FRMD6: variants seen among roughly 807,000 people sequenced by gnomAD.
FRMD6 encodes the protein FERM domain containing 6.
A neutral mutation model predicts 73.2 loss-of-function variants in FRMD6; 37 were observed. The ratio of observed to expected loss-of-function variants is 0.51; its 90% CI spans 0.39 to 0.66. The LOEUF is 0.66. FRMD6 is among the 30% of genes least tolerant of loss of function. FRMD6 has a pLI of 0.00. For synonymous variants in FRMD6, 273 were observed against 282.2 expected (o/e 0.97, Z 0.33); for missense variants, 714 against 780.5 (o/e 0.91, Z 1.02).
chr14:51,428,477 A>G, the FRMD6 span, among the ~76,000 whole-genome samples: 4 of 152,312 alleles, frequency 2.6e-5, no homozygotes, highest in Admixed American at 2.6e-4. Flanking sequence ...TCCAGGTTAC[A>G]AGTCTTCAGA....
intron 1 of FRMD6, among the ~76,000 whole-genome samples, chr14:51,545,452 C>T (rs1183667691): frequency 1.3e-5 from 2 of 152,012 alleles, no homozygotes; most frequent in Admixed American, 1.3e-4. Flanking sequence ...TCTATTTTAC[C>T]TGATCCAAAG....
At chr14:51,648,824 T>C (rs1892196077), upstream of FRMD6, among the ~76,000 whole-genome samples, 1 of 152,236 alleles carries the variant, frequency 6.6e-6, no homozygotes, top group South Asian at 2.1e-4. Flanking sequence ...GAATAACCTG[T>C]TCCTAAGAAA....
chr14:51,715,667 T>C (rs1897199648), intron 10 of FRMD6, among the ~76,000 whole-genome samples, 168 bp downstream of exon 10: 1 of 152,198 alleles, frequency 6.6e-6, no homozygotes, highest in Non-Finnish European at 1.5e-5. Context: ...AGGCAAAGGG[T>C]TAGGCTTGAG....
At chr14:51,457,538 C>T in the FRMD6 span, among the ~76,000 whole-genome samples, 1 of 152,112 alleles carries the variant, frequency 6.6e-6, no homozygotes, top group Non-Finnish European at 1.5e-5. Context: ...GAGAAATGTC[C>T]CCCATTTTTC....
intron 2 of FRMD6, among the ~76,000 whole-genome samples, chr14:51,586,811 A>G (rs1889077158): frequency 1.3e-5 from 2 of 152,180 alleles, no homozygotes; most frequent in African/African-American, 2.4e-5. Context: ...TGGCATGAGC[A>G]TGGCTCACTG....
At chr14:51,713,103 T>G (rs140009510) in intron 9 of FRMD6, among the ~76,000 whole-genome samples, 128 of 151,980 alleles carry the variant, frequency 8.4e-4, no homozygotes, top group African/African-American at 2.9e-3. Context: ...GCCAGCTATA[T>G]CCGTTTTTTG....
At chr14:51,707,678 G>A (rs1454116276) in intron 6 of FRMD6, among the ~76,000 whole-genome samples, 1 of 152,086 alleles carries the variant, frequency 6.6e-6, no homozygotes, top group African/African-American at 2.4e-5. Context: ...TTAAGAGTTA[G>A]GTAGGATCCA....
intron 2 of FRMD6, among the ~76,000 whole-genome samples, chr14:51,580,410 A>G (rs542043901): frequency 6.6e-6 from 1 of 152,314 alleles, no homozygotes; most frequent in African/African-American, 2.4e-5. Context: ...TGCTTTACAT[A>G]GATTATCTCA....
intron 2 of FRMD6, among the ~76,000 whole-genome samples, chr14:51,597,363 C>T (rs1889776219): frequency 6.6e-6 from 1 of 152,136 alleles, no homozygotes. Context: ...GGAGTCGCTC[C>T]CTGGAGGAGA....
At chr14:51,520,877 T>A (rs1226951290) in intron 1 of FRMD6, among the ~76,000 whole-genome samples, 1 of 152,050 alleles carries the variant, frequency 6.6e-6, no homozygotes, top group Non-Finnish European at 1.5e-5. Context: ...GCCACTGCCC[T>A]CCAGCCTGGG....
chr14:51,680,466 A>ATTTC (rs1462770371), intron 1 of FRMD6, among the ~76,000 whole-genome samples: 1 of 152,216 alleles, frequency 6.6e-6, no homozygotes, highest in Non-Finnish European at 1.5e-5. Flanking sequence ...GACTCTTGAA[A>ATTTC]GAGTATAAAC....
the FRMD6 span, among the ~76,000 whole-genome samples, chr14:51,414,921 T>C: frequency 6.6e-6 from 1 of 152,226 alleles, no homozygotes; most frequent in Admixed American, 6.5e-5. Flanking sequence ...CAATTGTGAA[T>C]GGGAGTTCAC....
intron 2 of FRMD6, among the ~76,000 whole-genome samples, chr14:51,634,736 G>A (rs986508213): frequency 1.3e-5 from 2 of 152,144 alleles, no homozygotes; most frequent in African/African-American, 2.4e-5. Context: ...GTATAACTTC[G>A]AGAATGCAGT....
rs17124033 is a variant in FRMD6, at chr14:51,505,191, C to G, written c.-210+15771C>G. 5.0e-3 allele frequency among the ~76,000 whole-genome samples: 755 copies of G among 152,236 alleles called. 5 individuals carry two copies. Among genetic ancestry groups the G allele is most frequent in the African/African-American group, 0.017 (720 of 41,554 alleles). ...CGAATATTCTCCCAGAAACTTTTCA[C>G]ACTATTTAGGAATAATTTATTTGTG... On this transcript the variant is annotated intron_variant, in intron 1 of 14. Coordinates refer to the FRMD6 transcript ENST00000356218.
At chr14:51,571,617 C>A (rs1566821536) in intron 2 of FRMD6, among the ~76,000 whole-genome samples, 1 of 152,140 alleles carries the variant, frequency 6.6e-6, no homozygotes, top group Non-Finnish European at 1.5e-5. Context: ...CCAAGAGTAC[C>A]TTTGCTGAAG....
rs1472550694 is a variant in FRMD6 at position 51,698,142 on chromosome 14, G to C, written c.100G>C (p.Val34Leu). Residue 34 changes from valine (V) to leucine (L), a missense_variant and splice_region_variant, in exon 3 of 14, where the codon GTT becomes CTT. Physicochemically the swap from Val to Leu is conservative, Grantham distance 32. Coordinates refer to ENST00000344768, the MANE Select transcript of FRMD6 (RefSeq NM_001267046.2). ...NDESLNIIIN[V>L]KILCHQLLVQ... The stretch of plus-strand genomic sequence containing the variant: ...TACGTCGTGCCTTTTTCCCCTACAG[G>C]TTAAGATTCTGTGTCACCAGTTGCT... 1 of 1,610,754 alleles carries C rather than the reference G, an allele frequency of 6.2e-7. No homozygotes were observed. Among genetic ancestry groups the C allele is most frequent in the Non-Finnish European group, 8.5e-7 (1 of 1,177,808 alleles).
chr14:51,549,096 G>A (rs941944613), intron 1 of FRMD6, among the ~76,000 whole-genome samples: 1 of 152,134 alleles, frequency 6.6e-6, no homozygotes, highest in Admixed American at 6.5e-5. Flanking sequence ...GCTGTTCCCT[G>A]GGAGACCAGG....
At chr14:51,594,316 T>TTATTTATTTATC (rs1889583275) in intron 2 of FRMD6, among the ~76,000 whole-genome samples, 1 of 145,724 alleles carries the variant, frequency 6.9e-6, no homozygotes, top group Non-Finnish European at 1.5e-5. Context: ...TTTTATTTAT[T>TTATTTATTTATC]TATTTATTTA....
intron 1 of FRMD6, among the ~76,000 whole-genome samples, chr14:51,542,885 T>C (rs941733650): frequency 6.6e-6 from 1 of 152,078 alleles, no homozygotes; most frequent in Non-Finnish European, 1.5e-5. Context: ...TGAGCATCTT[T>C]CCATATACTT....
Sources: gnomAD v4.1 joint callset for allele counts (sites outside exome capture counted in the v4.1 genomes callset) on GRCh38, gnomAD v4.1.1 for gene constraint, MANE v1.5 for transcripts, NCBI Gene and HGNC (gene_info 2026-07-23, HGNC 2026-07-21) for gene names.